Variants in MAPK10 observed in about 807,000 individuals in gnomAD.
MAPK10 encodes the protein JNK3 alpha protein kinase.
MAPK10 carries 25 observed loss-of-function variants against 59.3 expected under a neutral mutation model. The ratio of observed to expected loss-of-function variants is 0.42; its 90% confidence interval spans 0.31 to 0.59. The LOEUF (loss-of-function observed/expected upper bound fraction) is 0.59. Among genes scored for constraint, MAPK10 ranks in the 20% least tolerant of loss-of-function variants. The probability of loss-of-function intolerance (pLI) is 0.15; values close to 1 mark genes in which losing one functional copy is unlikely to be tolerated. For missense variants in MAPK10, 351 were observed against 568.9 expected (o/e 0.62, Z 3.90); for synonymous variants, 190 against 200.5 (o/e 0.95, Z 0.44).
intron 11 of MAPK10, among the ~76,000 whole-genome samples, chr4:86,045,938 C>T (rs1237648119): frequency 6.6e-6 from 1 of 151,526 alleles, no homozygotes; most frequent in East Asian, 1.9e-4. Flanking sequence ...TATGTGTTTC[C>T]AATGTACAAT....
At chr4:86,143,616 A>G (rs2064130734) in intron 4 of MAPK10, among the ~76,000 whole-genome samples, 1 of 152,208 alleles carries the variant, frequency 6.6e-6, no homozygotes, top group Admixed American at 6.5e-5. Context: ...TACTAGACCA[A>G]AACTTGGAAA....
chr4:86,363,315 C>T (rs1462791037), upstream of MAPK10, among the ~76,000 whole-genome samples: 1 of 152,072 alleles, frequency 6.6e-6, no homozygotes, highest in Non-Finnish European at 1.5e-5. Flanking sequence ...GGGACTTGAG[C>T]ATCCACTGCT....
At chr4:86,355,280 T>C (rs1409755176) in intron 1 of MAPK10, among the ~76,000 whole-genome samples, 5 of 152,060 alleles carry the variant, frequency 3.3e-5, no homozygotes, top group African/African-American at 7.2e-5. Flanking sequence ...AATATGGTCA[T>C]CATACCCAAA....
intron 2 of MAPK10, chr4:86,332,736 A>C (rs1204307213): frequency 6.6e-6 from 1 of 152,198 alleles, no homozygotes; most frequent in Non-Finnish European, 1.5e-5. Flanking sequence ...ACCTAGACAA[A>C]AGCCTACGGT....
chr4:86,052,192 C>T (rs2043682474), intron 11 of MAPK10, among the ~76,000 whole-genome samples: 1 of 152,038 alleles, frequency 6.6e-6, no homozygotes, highest in Non-Finnish European at 1.5e-5. Context: ...AGGACTTTTA[C>T]AGATGAAAGA....
chr4:86,581,033 T>G (rs1762227543), intron 1 of MAPK10, among the ~76,000 whole-genome samples: 1 of 152,210 alleles, frequency 6.6e-6, no homozygotes, highest in African/African-American at 2.4e-5. Context: ...TAGTCAGTTG[T>G]CTTTGAATAA....
rs2045399107 is a variant in MAPK10, at chr4:86,059,919, T to A, written c.1110+4347A>T. Reference sequence around the variant, plus strand: ...GCCAGCTGTCCTCTGGGTTCTCAAGTACCCCAGGTTCACCTACTAGAGAAA... The same window carrying A: ...GCCAGCTGTCCTCTGGGTTCTCAAGAACCCCAGGTTCACCTACTAGAGAAA... On this transcript the variant is annotated intron_variant, in intron 11 of 13. Transcript: ENST00000641462. Among the ~76,000 whole-genome samples the A allele has an allele frequency of 2.0e-5, 3 of 152,170 alleles. No homozygotes were observed. The South Asian group carries it at 6.2e-4, about 32-fold the overall frequency.
chr4:86,250,866 G>C (rs2093376153), intron 2 of MAPK10, among the ~76,000 whole-genome samples: 2 of 152,246 alleles, frequency 1.3e-5, no homozygotes, highest in Non-Finnish European at 2.9e-5. Flanking sequence ...TTGACTCTAG[G>C]AGAAAACTAT....
At chr4:86,142,534 T>G (rs1423803319) in intron 4 of MAPK10, among the ~76,000 whole-genome samples, 1 of 152,184 alleles carries the variant, frequency 6.6e-6, no homozygotes, top group Non-Finnish European at 1.5e-5. Flanking sequence ...AACAGGGTGA[T>G]TGCATCATTC....
chr4:86,435,215 G>A (rs1748557747), intron 1 of MAPK10, among the ~76,000 whole-genome samples: 1 of 152,168 alleles, frequency 6.6e-6, no homozygotes, highest in South Asian at 2.1e-4. Flanking sequence ...GCAAAGATGA[G>A]GCCAGGCGCA....
Position 86,422,236 on chromosome 4 carries a change from G to A in MAPK10, c.-122+30794C>T, listed in dbSNP as rs551995765. ...AGTTTACAGCTATGTTGCCCCTATC[G>A]ACAAGTAATCTACAATATACAGGCG... On this transcript the variant is annotated intron_variant, in intron 1 of 13. Transcript: ENST00000361569. Among the ~76,000 whole-genome samples the A allele has an allele frequency of 8.5e-4, 130 of 152,226 alleles. 1 individual carries two copies. The highest frequency in any genetic ancestry group is 9.7e-4 in the East Asian group (5 of 5,170).
intron 2 of MAPK10, among the ~76,000 whole-genome samples, chr4:86,255,900 T>G (rs1026776648): frequency 6.6e-6 from 1 of 152,188 alleles, no homozygotes; most frequent in African/African-American, 2.4e-5. Context: ...TTTACCTATT[T>G]ATTCACAGCA....
intron 4 of MAPK10, among the ~76,000 whole-genome samples, chr4:86,137,157 A>C (rs1046721718): frequency 6.6e-6 from 1 of 151,540 alleles, no homozygotes; most frequent in Non-Finnish European, 1.5e-5. Flanking sequence ...ATACCCAGGA[A>C]TTGAACTCAG....
At chr4:86,187,094 G>A (rs867621900) in intron 3 of MAPK10, among the ~76,000 whole-genome samples, 76 of 152,094 alleles carry the variant, frequency 5.0e-4, no homozygotes, top group Middle Eastern at 3.4e-3. Context: ...TAATCAGTTC[G>A]TATGATGAGA....
Position 86,371,567 on chromosome 4 carries a change from G to C in MAPK10, c.-121-16923C>G, listed in dbSNP as rs1210444816. 2.6e-5 allele frequency among the ~76,000 whole-genome samples: 4 copies of C among 152,172 alleles called. No individual in the cohort carries two copies. In the South Asian group the frequency reaches 6.2e-4, roughly 24 times the overall value. ...TTCAGAGAGGTTAAGAAAAAAATGC[G>C]AGTGAACTCAATGATAAGGTGGCAA... On this transcript the variant is annotated intron_variant, in intron 1 of 13. Coordinates refer to the MAPK10 transcript ENST00000361569.
intron 2 of MAPK10, among the ~76,000 whole-genome samples, chr4:86,262,988 A>G (rs565113921): frequency 1.3e-5 from 2 of 152,316 alleles, no homozygotes; most frequent in African/African-American, 4.8e-5. Flanking sequence ...GGACAGTAGG[A>G]CAGGAGATGA....
chr4:86,209,179 A>G (rs995006284), intron 2 of MAPK10, among the ~76,000 whole-genome samples: 1 of 152,148 alleles, frequency 6.6e-6, no homozygotes, highest in African/African-American at 2.4e-5. Context: ...CTACCATGAG[A>G]GAAATGTATT....
chr4:86,218,910 G>A (rs2088663132), intron 2 of MAPK10, among the ~76,000 whole-genome samples: 1 of 152,222 alleles, frequency 6.6e-6, no homozygotes, highest in South Asian at 2.1e-4. Context: ...CTCAATAGTA[G>A]AGATAAGTGA....
intron 1 of MAPK10, among the ~76,000 whole-genome samples, chr4:86,433,611 C>T (rs1008185728): frequency 1.4e-4 from 21 of 145,460 alleles, no homozygotes; most frequent in African/African-American, 5.4e-4. Flanking sequence ...ACCATGTTGC[C>T]CAGGCTGGTC....
Sources: gnomAD v4.1 joint callset for allele counts (sites outside exome capture counted in the v4.1 genomes callset) on GRCh38, gnomAD v4.1.1 for gene constraint, MANE v1.5 for transcripts, NCBI Gene and HGNC (gene_info 2026-07-23, HGNC 2026-07-21) for gene names.